TTN: variants seen among roughly 807,000 people sequenced by gnomAD.
TTN encodes the protein titin, also known as connectin.
In TTN, 1,525 loss-of-function variants were observed where a neutral mutation model predicts 3,223.0. The observed-to-expected ratio is 0.47, with a 90% CI of 0.45 to 0.49. TTN has a LOEUF of 0.49. Ranked by LOEUF, TTN falls within the 20% of genes least tolerant of loss-of-function variation. TTN has a pLI of 0.00. For missense variants in TTN, 40,786 were observed against 43,424.0 expected, an observed-to-expected ratio of 0.94 and a Z score of 5.40; for synonymous variants, 14,094 against 15,161.0, an observed-to-expected ratio of 0.93 and a Z score of 5.17.
At position 178,709,791 on chromosome 2, in the gene TTN, A is replaced by T. The variant is rs2076392914; in HGVS notation, c.28528T>A (p.Ser9510Thr). The change falls in exon 99 of 363, where the codon TCT becomes ACT. Residue 9510 changes from serine (S) to threonine (T), a missense_variant. Ser to Thr is a moderately conservative substitution (Grantham distance 58). Coordinates refer to ENST00000589042, the MANE Select transcript of TTN (RefSeq NM_001267550.2). ...GCCACACGTCCCTCAAGTTTGAAAG[A>T]ATTCCCTTCTGTTTCTTCTACTGTC... ...SETVEETEGN[S>T]FKLEGRVAGS... 1 of 1,613,622 alleles carries T rather than the reference A, an allele frequency of 6.2e-7. No individual in the cohort carries two copies. The highest frequency in any genetic ancestry group is 1.1e-5 in the South Asian group (1 of 91,082).
In TTN at chr2:178,759,191, G is replaced by A. The variant is rs774199179; in HGVS notation, c.10115-19C>T. ...TTTAGATCTGCGACACAAAAGAAAAGAGATACTTCAACCACAAAAATGAGT... is the reference window on the plus strand; with the variant it reads ...TTTAGATCTGCGACACAAAAGAAAAAAGATACTTCAACCACAAAAATGAGT... On this transcript the variant is annotated intron_variant, in intron 43 of 362. Transcript: ENST00000589042. 1 of 1,613,592 alleles carries A rather than the reference G, an allele frequency of 6.2e-7. No individual in the cohort carries two copies. The highest frequency in any genetic ancestry group is 8.5e-7 in the Non-Finnish European group (1 of 1,179,762).
chr2:178,578,751 G>T (rs72646878), intron 320 of TTN, 36 bp from the exon 321 acceptor site: 4 of 1,603,338 alleles, frequency 2.5e-6, no homozygotes, highest in Non-Finnish European at 2.5e-6. Context: ...TTTATAATAA[G>T]AAGCCTCCTC....
intron 269 of TTN, 48 bp downstream of exon 269, chr2:178,611,324 C>T (rs2056282173): frequency 1.2e-6 from 2 of 1,610,346 alleles, no homozygotes; most frequent in African/African-American, 2.7e-5. Context: ...AAATGCAATG[C>T]ATGAATAAAG....
At position 178,564,620 on chromosome 2, in the gene TTN, C is replaced by T; in HGVS notation, c.81512G>A (p.Cys27171Tyr). The part of the protein sequence containing the change: ...VSECFVARDP[C>Y]DPPGRPEAIV... ...GGCTTCAGGGCGACCAGGTGGGTCA[C>T]ATGGATCACGAGCAACAAAGCATTC... Residue 27171 changes from cysteine (C) to tyrosine (Y), a missense_variant, in exon 326 of 363, where the codon TGT becomes TAT. Cys to Tyr is a radical substitution (Grantham distance 194). Coordinates refer to ENST00000589042, the MANE Select transcript of TTN (RefSeq NM_001267550.2). 6.2e-7 allele frequency: 1 copy of T among 1,613,502 alleles called. No individual in the cohort carries two copies. The highest frequency in any genetic ancestry group is 8.5e-7 in the Non-Finnish European group (1 of 1,179,660).
intron 47 of TTN, among the ~76,000 whole-genome samples, chr2:178,743,996 G>T (rs963666633): frequency 6.6e-6 from 1 of 151,954 alleles, no homozygotes; most frequent in South Asian, 2.1e-4. Context: ...TCTGTACATT[G>T]TCTCTATTGC....
chr2:178,710,665 C>A lies in TTN; in HGVS notation c.28432G>T (p.Asp9478Tyr). ...ATATTCAGCTGAGCTGTGCAAGAGT[C>A]TTTTCCCACTTCATTCACAGCATAG... ...TCYAVNEVGK[D>Y]SCTAQLNIKE... The change falls in exon 98 of 363, where the codon GAC becomes TAC. Residue 9478 changes from aspartate (D) to tyrosine (Y), a missense_variant. Physicochemically the swap from Asp to Tyr is radical, Grantham distance 160. Coordinates refer to ENST00000589042, the MANE Select transcript of TTN (RefSeq NM_001267550.2). 2 of 1,612,736 alleles carry A rather than the reference C, an allele frequency of 1.2e-6. No homozygotes were observed. The highest frequency in any genetic ancestry group is 1.7e-6 in the Non-Finnish European group (2 of 1,179,664).
In TTN at chr2:178,756,583, C is replaced by A. The variant is rs1316324018; in HGVS notation, c.10893G>T (p.Gln3631His). The change falls in exon 46 of 363, where the codon CAG becomes CAT. Residue 3631 changes from glutamine to histidine, a missense_variant. Coordinates refer to ENST00000589042, the MANE Select transcript of TTN (RefSeq NM_001267550.2). Reference sequence around the variant, plus strand: ...GTGAAAGGGATGCAGTATGGCACAACTGTGTATCTTGAACAGATGCAGCTG... The same window carrying A: ...GTGAAAGGGATGCAGTATGGCACAAATGTGTATCTTGAACAGATGCAGCTG... ...IHTAASVQDT[Q>H]LCHTASLSQI... The A allele has an allele frequency of 2.5e-6, 4 of 1,612,412 alleles. No individual in the cohort carries two copies. The highest frequency in any genetic ancestry group is 3.4e-6 in the Non-Finnish European group (4 of 1,178,962).
chr2:178,576,243 T>C lies in TTN; in HGVS notation c.69889A>G (p.Arg23297Gly), dbSNP rs779474257. Reference sequence around the variant, plus strand: ...TCAGGAACAACGAACTGAGTGATTCTGAGGGCGGTTCCTGTGGTATCTTTT... The same window carrying C: ...TCAGGAACAACGAACTGAGTGATTCCGAGGGCGGTTCCTGTGGTATCTTTT... ...WIKDTTGTAL[R>G]ITQFVVPDLQ... The change falls in exon 326 of 363, where the codon AGA becomes GGA. Residue 23297 changes from arginine to glycine, a missense_variant. Transcript: ENST00000589042. This position sits in a 1 kb window ranked among gnomAD's most constrained non-coding sequence, Gnocchi z 4.3. 1.9e-6 allele frequency: 3 copies of C among 1,612,666 alleles called. No homozygotes were observed. The highest frequency in any genetic ancestry group is 2.5e-6 in the Non-Finnish European group (3 of 1,179,314).
At chr2:178,694,158 A>C (rs1465223559) in intron 117 of TTN, 150 bp from the exon 118 acceptor site, 8 of 604,310 alleles carry the variant, frequency 1.3e-5, no homozygotes, top group Non-Finnish European at 2.0e-5. Flanking sequence ...CAAGAAAACA[A>C]ATCATGTTTT....
In TTN at chr2:178,652,165, T is replaced by G; in HGVS notation, c.39226A>C (p.Lys13076Gln). 6.2e-7 allele frequency: 1 copy of G among 1,612,190 alleles called. No individual in the cohort carries two copies. Among genetic ancestry groups the G allele is most frequent in the Non-Finnish European group, 8.5e-7 (1 of 1,179,616 alleles). ...VPPTKVPEVPKVAVPEKKVPE... is the reference protein window; with the variant it reads ...VPPTKVPEVPQVAVPEKKVPE... ...ACCTTCTTTTCTGGGACAGCTACCT[T>G]TGGCACCTCTGGGACTTTAAAAGAT... The change falls in exon 204 of 363, where the codon AAG (lysine) becomes CAG (glutamine). Residue 13076 changes from lysine to glutamine, a missense_variant. Coordinates refer to ENST00000589042, the MANE Select transcript of TTN (RefSeq NM_001267550.2).
At position 178,575,999 on chromosome 2, in the gene TTN, C is replaced by G. The variant is rs1172742481; in HGVS notation, c.70133G>C (p.Trp23378Ser). Residue 23378 changes from tryptophan (W) to serine (S), a missense_variant, in exon 326 of 363, where the codon TGG becomes TCG. Trp to Ser is a radical substitution (Grantham distance 177, BLOSUM62 -3). Coordinates refer to ENST00000589042, the MANE Select transcript of TTN (RefSeq NM_001267550.2). This position sits in a 1 kb window ranked among gnomAD's most constrained non-coding sequence, Gnocchi z 4.0. The stretch of plus-strand genomic sequence containing the variant: ...TTTCAGGTTGATGTTATCTTTGGTC[C>G]ATGTCACTTCAGGAGCAGGACGACC... ...IKGRPAPEVT[W>S]TKDNINLKNR... 6.2e-7 allele frequency: 1 copy of G among 1,612,154 alleles called. No homozygotes were observed.
At position 178,552,423 on chromosome 2, in the gene TTN, G is replaced by A. The variant is rs764570458; in HGVS notation, c.90477C>T (p.Pro30159=). ...CTTTCAGCCAACTGATGGATGGTTT[G>A]GGTTTTCCCTTATAAGGTAATTCAA... ...VHLELPYKGK[P]KPSISWLKDG... The change falls in exon 335 of 363, where the codon CCC becomes CCT. Residue 30159 remains proline, a synonymous_variant. Transcript: ENST00000589042. 8.8e-6 allele frequency: 14 copies of A among 1,598,050 alleles called. No homozygotes were observed. In the Admixed American group the frequency reaches 2.2e-4, roughly 25 times the overall value.
chr2:178,726,698 T>G (rs1316464003), intron 69 of TTN: 1 of 158,780 alleles, frequency 6.3e-6, no homozygotes, highest in African/African-American at 2.4e-5. Flanking sequence ...TTGCTTTCAC[T>G]TTGCATAGAT....
At chr2:178,714,885 A>G in intron 90 of TTN, 101 bp downstream of exon 90, 2 of 1,435,940 alleles carry the variant, frequency 1.4e-6, no homozygotes, top group South Asian at 2.9e-5. Context: ...GGGAAAGTGG[A>G]ATAGGCTGCT....
chr2:178,720,045 T>C lies in TTN; in HGVS notation c.23597A>G (p.Tyr7866Cys). Residue 7866 changes from tyrosine to cysteine, a missense_variant, in exon 81 of 363, where the codon TAT becomes TGT. Physicochemically the swap from Tyr to Cys is radical, Grantham distance 194. Coordinates refer to ENST00000589042, the MANE Select transcript of TTN (RefSeq NM_001267550.2). ...AGCATCGTTTTTGATTTGGCATATA[T>C]ATTTTCCAGAATTAGATGCTTCTGG... ...GSPEASNSGK[Y>C]ICQIKNDAGM... 1.2e-6 allele frequency: 2 copies of C among 1,613,538 alleles called. No individual in the cohort carries two copies. Among genetic ancestry groups the C allele is most frequent in the Non-Finnish European group, 1.7e-6 (2 of 1,179,642 alleles).
chr2:178,731,797 C>A lies in TTN; in HGVS notation c.17078G>T (p.Ser5693Ile), dbSNP rs1560804311. 1.2e-6 allele frequency: 2 copies of A among 1,613,814 alleles called. No individual in the cohort carries two copies. The highest frequency in any genetic ancestry group is 1.7e-5 in the Admixed American group (1 of 60,004). The change falls in exon 58 of 363, where the codon AGC becomes ATC. Residue 5693 changes from serine (S) to isoleucine (I), a missense_variant. Ser to Ile is a moderately radical substitution (Grantham distance 142). Transcript: ENST00000589042. ...AGCTACAAACTTGAGGATCTGCAGG[C>A]TAACCAGATGATCCTGAATGAAAGT... ...YKTFIQDHLV[S>I]LQILKFVAAD...
rs751243951 is a variant in TTN at position 178,756,206 on chromosome 2, C to T, written c.11254+16G>A. ...GAGGATGAAATGAAGCAAGTCATAG[C>T]TAAAAATCAATTAACCACCTTCTAC... On this transcript the variant is annotated intron_variant, in intron 46 of 362. Transcript: ENST00000589042. 1.3e-6 allele frequency: 2 copies of T among 1,571,752 alleles called. No individual in the cohort carries two copies. The highest frequency in any genetic ancestry group is 1.7e-6 in the Non-Finnish European group (2 of 1,151,386).
intron 141 of TTN, 46 bp from the exon 142 acceptor site, chr2:178,679,462 C>T (rs1429931178): frequency 8.1e-6 from 13 of 1,600,144 alleles, no homozygotes; most frequent in South Asian, 1.1e-5. Flanking sequence ...CTAGTAACAA[C>T]ACATCCATAT....
At chr2:178,736,965 T>C (rs2081565648) in intron 49 of TTN, among the ~76,000 whole-genome samples, 1 of 152,074 alleles carries the variant, frequency 6.6e-6, no homozygotes, top group Admixed American at 6.5e-5. Context: ...GATATTCTCA[T>C]TGACAAAGAA....
Sources: gnomAD v4.1 joint callset for allele counts (sites outside exome capture counted in the v4.1 genomes callset) on GRCh38, gnomAD v4.1.1 for gene constraint, Gnocchi (gnomAD v3.1) non-coding constraint, MANE v1.5 for transcripts, NCBI Gene and HGNC (gene_info 2026-07-23, HGNC 2026-07-21) for gene names.